Variants in HCFC2 observed in about 807,000 individuals in gnomAD.
HCFC2 encodes the protein host cell factor 2.
A neutral mutation model predicts 89.2 loss-of-function variants in HCFC2; 18 were observed. The ratio of observed to expected loss-of-function variants is 0.20; its 90% CI spans 0.14 to 0.30. HCFC2 has a LOEUF of 0.30. Ranked by LOEUF, HCFC2 falls within the 10% of genes least tolerant of loss-of-function variation. The pLI, the probability that HCFC2 is intolerant of heterozygous loss-of-function variation, is 1.00. For missense variants in HCFC2, 578 were observed against 956.1 expected, an observed-to-expected ratio of 0.60 and a Z score of 5.21; for synonymous variants, 308 against 335.7, an observed-to-expected ratio of 0.92 and a Z score of 0.90.
intron 9 of HCFC2, among the ~76,000 whole-genome samples, chr12:104,088,299 A>G (rs986792173): frequency 1.3e-5 from 2 of 152,244 alleles, no homozygotes; most frequent in African/African-American, 4.8e-5. Flanking sequence ...AGAAGCCTGA[A>G]TTGAAAACCC....
chr12:104,097,612 C>G, intron 12 of HCFC2: 1 of 951,864 alleles, frequency 1.1e-6, no homozygotes, highest in Non-Finnish European at 1.3e-6. Context: ...ATATTTAAGA[C>G]AGAAATAAAT....
At chr12:104,066,042 A>G (rs1229915366) in intron 1 of HCFC2, 125 bp from the exon 2 acceptor site, 6 of 921,996 alleles carry the variant, frequency 6.5e-6, no homozygotes, top group African/African-American at 5.1e-5. Context: ...GACATTACCA[A>G]ATGTCTTCTG....
chr12:104,066,083 C>A, intron 1 of HCFC2, 84 bp from the exon 2 acceptor site: 1 of 1,334,100 alleles, frequency 7.5e-7, no homozygotes. Flanking sequence ...TTGAGACCCA[C>A]TGATATTGAT....
intron 3 of HCFC2, among the ~76,000 whole-genome samples, chr12:104,070,142 C>T (rs1883274952): frequency 6.6e-6 from 1 of 152,074 alleles, no homozygotes; most frequent in Admixed American, 6.5e-5. Context: ...CCTGCCTCAG[C>T]CACCCGAGTA....
intron 3 of HCFC2, among the ~76,000 whole-genome samples, chr12:104,077,550 GT>G (rs202233502): frequency 0.12 from 15,484 of 133,326 alleles, 1,010 homozygotes; most frequent in African/African-American, 0.19. Context: ...CCCCTGGCCT[GT>G]TTTTTTTTTT....
rs1444401654 is a variant in HCFC2, at chr12:104,104,746, T to A, written c.*1473T>A. 9 of 152,058 alleles carry A rather than the reference T, an allele frequency of 5.9e-5. No homozygotes were observed. Among genetic ancestry groups the A allele is most frequent in the African/African-American group, 2.2e-4 (9 of 41,436 alleles). 9.4% of individuals were successfully genotyped at this position (152,058 alleles called of 1,614,324 possible). On this transcript the variant is annotated 3_prime_UTR_variant, in exon 15 of 15. Transcript: ENST00000229330. ...TTTATACTACAGTATTTGTAATTAA[T>A]GTGTCTCACTAATTAAGTTTCTCTT...
At chr12:104,099,059 C>T (rs567763228) in intron 13 of HCFC2, among the ~76,000 whole-genome samples, 1 of 151,996 alleles carries the variant, frequency 6.6e-6, no homozygotes, top group African/African-American at 2.4e-5. Flanking sequence ...ACAGGCTGTA[C>T]AGGAAGCATG....
intron 3 of HCFC2, among the ~76,000 whole-genome samples, chr12:104,076,477 G>A (rs569549123): frequency 1.6e-3 from 237 of 152,334 alleles, no homozygotes; most frequent in African/African-American, 5.5e-3. Flanking sequence ...GAACTGGATA[G>A]CATACTGGCT....
chr12:104,087,592 C>T (rs1472183618), intron 8 of HCFC2, among the ~76,000 whole-genome samples: 1 of 151,248 alleles, frequency 6.6e-6, no homozygotes, highest in Non-Finnish European at 1.5e-5. Context: ...CATTGTATTT[C>T]AGTTCTAAAA....
In HCFC2 at chr12:104,086,619, A is replaced by AAAATAAATAAAT. The variant is rs58372181; in HGVS notation, c.1064-202_1064-191dup. 8.2e-3 allele frequency among the ~76,000 whole-genome samples: 1,197 copies of AAAATAAATAAAT among 146,546 alleles called. 12 individuals carry two copies. Among genetic ancestry groups the AAAATAAATAAAT allele is most frequent in the African/African-American group, 0.018 (700 of 39,908 alleles). On this transcript the variant is annotated intron_variant, in intron 7 of 14. Transcript: ENST00000229330. The stretch of plus-strand genomic sequence containing the variant: ...TTGTTTATAGATATATTTGTCTAAG[A>AAAATAAATAAAT]AAATAAATAAATAAATAAATAAATA...
chr12:104,066,425 T>C (rs563735551), intron 2 of HCFC2, 110 bp downstream of exon 2: 3 of 745,478 alleles, frequency 4.0e-6, no homozygotes, highest in Non-Finnish European at 6.4e-6. Context: ...TTAATATTAT[T>C]CAAGTAATGT....
At chr12:104,072,816 T>TG (rs1883365983) in intron 3 of HCFC2, among the ~76,000 whole-genome samples, 1 of 151,920 alleles carries the variant, frequency 6.6e-6, no homozygotes, top group South Asian at 2.1e-4. Flanking sequence ...CTAATTTTTT[T>TG]TGTATTTTTA....
Position 104,102,165 on chromosome 12 carries a change from G to A in HCFC2, c.2064+12G>A. 1 of 1,605,328 alleles carries A rather than the reference G, an allele frequency of 6.2e-7. No individual in the cohort carries two copies. Among genetic ancestry groups the A allele is most frequent in the South Asian group, 1.1e-5 (1 of 90,180 alleles). The stretch of plus-strand genomic sequence containing the variant: ...TCAGAATTTCAAAGGTGAGACATCG[G>A]GTCAAGACTTGTTGGTGATTTTAAA... On this transcript the variant is annotated intron_variant, in intron 14 of 14. Transcript: ENST00000229330.
chr12:104,072,744 G>A (rs1270386585), intron 3 of HCFC2, among the ~76,000 whole-genome samples: 4 of 151,772 alleles, frequency 2.6e-5, no homozygotes, highest in African/African-American at 4.8e-5. Context: ...CTGGGTTCAC[G>A]CCATTCTCCT....
chr12:104,081,120 T>C (rs1486854481), intron 5 of HCFC2, among the ~76,000 whole-genome samples: 1 of 152,236 alleles, frequency 6.6e-6, no homozygotes, highest in African/African-American at 2.4e-5. Flanking sequence ...TAACTCACTT[T>C]TCCTTTTTCA....
Position 104,105,319 on chromosome 12 carries a change from C to G in HCFC2, c.*2046C>G, listed in dbSNP as rs944793596. On this transcript the variant is annotated 3_prime_UTR_variant, in exon 15 of 15. Transcript: ENST00000229330. ...CTTTCTTCTCTGCATTAATTAACAA[C>G]GTGCATCTTGAAGCCCTTCTCCTGA... 6.6e-6 allele frequency: 1 copy of G among 152,030 alleles called. No individual in the cohort carries two copies. Among genetic ancestry groups the G allele is most frequent in the Non-Finnish European group, 1.5e-5 (1 of 67,902 alleles). The allele number at this position is 152,030 out of a possible 1,614,324, so 9.4% of individuals were successfully genotyped here.
intron 3 of HCFC2, among the ~76,000 whole-genome samples, chr12:104,070,289 A>G (rs1410965465): frequency 1.3e-5 from 2 of 152,166 alleles, no homozygotes; most frequent in Admixed American, 6.5e-5. Context: ...TGGCCTCCCA[A>G]AGTGCTGGGA....
chr12:104,084,116 G>A (rs555358762), intron 7 of HCFC2, among the ~76,000 whole-genome samples: 7 of 152,312 alleles, frequency 4.6e-5, no homozygotes, highest in South Asian at 2.1e-4. Context: ...TGACAGCTGC[G>A]TAGCAGGAAT....
chr12:104,068,402 T>C lies in HCFC2; in HGVS notation c.473+295T>C, dbSNP rs112834274. ...GTAACTGCTTGTATCAATATATTTG[T>C]ATATATTGAGCCATAATGCATTTTA... On this transcript the variant is annotated intron_variant, in intron 3 of 14. Coordinates refer to ENST00000229330, the MANE Select transcript of HCFC2 (RefSeq NM_013320.3). This position sits in a 1 kb window ranked among gnomAD's most constrained non-coding sequence, Gnocchi z 4.1. Among the ~76,000 whole-genome samples the C allele has an allele frequency of 4.3e-3, 662 of 152,330 alleles. 7 individuals carry two copies. Among genetic ancestry groups the C allele is most frequent in the Middle Eastern group, 0.037 (11 of 294 alleles).
Sources: gnomAD v4.1 joint callset for allele counts (sites outside exome capture counted in the v4.1 genomes callset) on GRCh38, gnomAD v4.1.1 for gene constraint, Gnocchi (gnomAD v3.1) non-coding constraint, MANE v1.5 for transcripts, NCBI Gene and HGNC (gene_info 2026-07-23, HGNC 2026-07-21) for gene names.